The following XYLT1 variants were observed in gnomAD, a reference collection of about 807,000 sequenced individuals.
XYLT1 encodes the protein xylosyltransferase 1.
A neutral mutation model predicts 91.3 loss-of-function variants in XYLT1; 36 were observed. That is an observed-to-expected ratio of 0.39 (90% CI 0.30 to 0.52). The LOEUF (loss-of-function observed/expected upper bound fraction) is 0.52, where lower values mean the gene tolerates loss of function less well. XYLT1 is among the 20% of genes least tolerant of loss of function. The pLI, the probability that XYLT1 is intolerant of heterozygous loss-of-function variation, is 0.68. For missense variants in XYLT1, 1,242 were observed against 1,284.5 expected, an observed-to-expected ratio of 0.97 and a Z score of 0.51; for synonymous variants, 588 against 532.0, an observed-to-expected ratio of 1.11 and a Z score of -1.45.
chr16:17,285,874 C>CTGTGTGTGTGTGTGTG (rs56267931), intron 2 of XYLT1, among the ~76,000 whole-genome samples: 2 of 145,156 alleles, frequency 1.4e-5, no homozygotes, highest in Admixed American at 7.0e-5. Context: ...TGGTGTATCT[C>CTGTGTGTGTGTGTGTG]TGTGTGTGTG....
At chr16:17,173,697 G>A (rs1228265662) in intron 5 of XYLT1, among the ~76,000 whole-genome samples, 1 of 152,288 alleles carries the variant, frequency 6.6e-6, no homozygotes, top group Non-Finnish European at 1.5e-5. Context: ...AGCAGGTCCA[G>A]CTGAGACGAG....
At chr16:17,210,521 G>A (rs181469948) in intron 3 of XYLT1, among the ~76,000 whole-genome samples, 1 of 151,624 alleles carries the variant, frequency 6.6e-6, no homozygotes, top group East Asian at 1.9e-4. Context: ...AGGTTGCAGT[G>A]AGCCAAGATC....
At chr16:17,305,588 G>T (rs534789282) in intron 2 of XYLT1, among the ~76,000 whole-genome samples, 2 of 151,840 alleles carry the variant, frequency 1.3e-5, no homozygotes, top group East Asian at 3.9e-4. Context: ...GCTAACTTTT[G>T]TATTTTTAGT....
At chr16:17,455,800 C>A (rs2036733713) in intron 1 of XYLT1, among the ~76,000 whole-genome samples, 2 of 152,160 alleles carry the variant, frequency 1.3e-5, no homozygotes, top group South Asian at 4.1e-4. Context: ...GGAAATCTAC[C>A]ATCAATACTA....
intron 1 of XYLT1, among the ~76,000 whole-genome samples, chr16:17,419,291 A>G (rs1276929242): frequency 6.6e-6 from 1 of 152,072 alleles, no homozygotes; most frequent in Admixed American, 6.6e-5. Flanking sequence ...GCAGAGAGCC[A>G]GGATGGTACC....
intron 2 of XYLT1, among the ~76,000 whole-genome samples, chr16:17,333,920 T>C (rs529421418): frequency 6.6e-6 from 1 of 152,158 alleles, no homozygotes; most frequent in South Asian, 2.1e-4. Flanking sequence ...GGGAAGAGTA[T>C]TAAGTGGTGG....
chr16:17,392,629 G>T (rs1293692010), intron 1 of XYLT1, among the ~76,000 whole-genome samples: 1 of 152,108 alleles, frequency 6.6e-6, no homozygotes, highest in Non-Finnish European at 1.5e-5. Context: ...TATGCCAAAT[G>T]GGAGAGTTAT....
At position 17,470,697 on chromosome 16, in the gene XYLT1, TC is replaced by T; in HGVS notation, c.99del (p.Trp33Ter). 1 of 1,165,222 alleles carries T rather than the reference TC, an allele frequency of 8.6e-7. No homozygotes were observed. Among genetic ancestry groups the T allele is most frequent in the Non-Finnish European group, 1.1e-6 (1 of 926,152 alleles). 72.2% of individuals were successfully genotyped at this position (1,165,222 alleles called of 1,614,324 possible). A position where few individuals can be genotyped will look rare whatever the true frequency, so the allele number is the denominator to read the frequency against. ...GCCCCGGAGTCGAGGCTGCTGAAAT[TC>T]CACACGACCAGCGTCTGCAGCAGCA... ...TVLLLQTLVVWNFSSLDSGAG... is the reference protein window; with the variant it reads ...TVLLLQTLVVXNFSSLDSGAG... On this transcript the variant is annotated frameshift_variant, in exon 1 of 12. Transcript: ENST00000261381. LOFTEE classifies it high-confidence loss of function.
At chr16:17,277,847 CT>C (rs938668011) in intron 2 of XYLT1, among the ~76,000 whole-genome samples, 29 of 152,250 alleles carry the variant, frequency 1.9e-4, no homozygotes, top group African/African-American at 7.0e-4. Flanking sequence ...TGATTTTGTT[CT>C]TTTGTATTAC....
At chr16:17,120,789 G>C (rs1382252868) in intron 10 of XYLT1, among the ~76,000 whole-genome samples, 1 of 152,156 alleles carries the variant, frequency 6.6e-6, no homozygotes, top group African/African-American at 2.4e-5. Flanking sequence ...GCTGAACATA[G>C]AGTAGGTGCT....
intron 5 of XYLT1, among the ~76,000 whole-genome samples, chr16:17,192,697 ACT>A (rs1187932549): frequency 2.0e-5 from 3 of 151,206 alleles, no homozygotes; most frequent in Non-Finnish European, 4.4e-5. Context: ...GTCTCTAAAC[ACT>A]CTCAGCTTGC....
intron 5 of XYLT1, among the ~76,000 whole-genome samples, chr16:17,159,825 T>C (rs1356852983): frequency 6.6e-6 from 1 of 152,238 alleles, no homozygotes; most frequent in Admixed American, 6.5e-5. Flanking sequence ...TGTGACAGTA[T>C]TTTAAAAGGC....
At position 17,301,449 on chromosome 16, in the gene XYLT1, C is replaced by T. The variant is rs543013225; in HGVS notation, c.403-41951G>A. On this transcript the variant is annotated intron_variant, in intron 2 of 11. Coordinates refer to ENST00000261381, the MANE Select transcript of XYLT1 (RefSeq NM_022166.4). Reference sequence around the variant, plus strand: ...AGTCTTAGATATTGCAATGGTCAGCCGTCCCCCAAAGCTCAACCCTATCTG... The same window carrying T: ...AGTCTTAGATATTGCAATGGTCAGCTGTCCCCCAAAGCTCAACCCTATCTG... 1.1e-4 allele frequency among the ~76,000 whole-genome samples: 16 copies of T among 152,180 alleles called. No homozygotes were observed. The South Asian group carries it at 2.3e-3, about 22-fold the overall frequency.
intron 2 of XYLT1, among the ~76,000 whole-genome samples, chr16:17,353,246 C>T (rs1052640836): frequency 6.6e-6 from 1 of 152,158 alleles, no homozygotes; most frequent in Non-Finnish European, 1.5e-5. Context: ...CCCAGATTGA[C>T]AAATCTTGAC....
chr16:17,179,518 A>G (rs147780867), intron 5 of XYLT1, among the ~76,000 whole-genome samples: 102 of 152,270 alleles, frequency 6.7e-4, no homozygotes, highest in African/African-American at 2.2e-3. Context: ...TCCATGCAAT[A>G]GTTTTCCTGG....
At chr16:17,470,035 C>T (rs1449896519) in intron 1 of XYLT1, among the ~76,000 whole-genome samples, 1 of 152,116 alleles carries the variant, frequency 6.6e-6, no homozygotes. Flanking sequence ...CTGCGACAAC[C>T]GCCCAGGAAC....
intron 2 of XYLT1, among the ~76,000 whole-genome samples, chr16:17,268,393 A>G (rs954393107): frequency 9.9e-5 from 15 of 152,222 alleles, no homozygotes; most frequent in African/African-American, 3.6e-4. Context: ...ATATTACTAT[A>G]TAGGAAGTAA....
intron 2 of XYLT1, among the ~76,000 whole-genome samples, chr16:17,325,696 G>C (rs2034790562): frequency 6.6e-6 from 1 of 152,032 alleles, no homozygotes; most frequent in South Asian, 2.1e-4. Flanking sequence ...CCTTATGAGT[G>C]GGGGAAAAAA....
intron 3 of XYLT1, chr16:17,250,529 T>A (rs1567341750): frequency 6.6e-6 from 1 of 152,224 alleles, no homozygotes; most frequent in Non-Finnish European, 1.5e-5. Flanking sequence ...TCCCAAATAT[T>A]TATGATCTGG....
Sources: allele counts gnomAD v4.1 joint callset (sites outside exome capture counted in the v4.1 genomes callset), GRCh38; gene constraint gnomAD v4.1.1; transcripts MANE v1.5; gene names NCBI Gene and HGNC (gene_info 2026-07-23, HGNC 2026-07-21).